The following ACOT1 variants were observed in gnomAD, a reference collection of about 807,000 sequenced individuals.
The protein encoded by ACOT1 is acyl-CoA thioesterase 1.
A neutral mutation model predicts 15.7 loss-of-function variants in ACOT1; 8 were observed. The ratio of observed to expected loss-of-function variants is 0.51; its 90% confidence interval spans 0.30 to 0.92. The LOEUF (loss-of-function observed/expected upper bound fraction) is 0.92. Among genes scored for constraint, ACOT1 ranks in the 40% least tolerant of loss-of-function variants. The probability of loss-of-function intolerance (pLI) is 0.06; values close to 1 mark genes in which losing one functional copy is unlikely to be tolerated. For missense variants in ACOT1, 151 were observed against 539.4 expected (o/e 0.28, Z 7.13); for synonymous variants, 67 against 241.2 (o/e 0.28, Z 6.69).
chr14:73,510,835 G>T, the ACOT1 span, among the ~76,000 whole-genome samples: 1 of 152,142 alleles, frequency 6.6e-6, no homozygotes, highest in Non-Finnish European at 1.5e-5. Flanking sequence ...TGCTTTACAG[G>T]AACTAATATC....
At chr14:73,515,313 C>T in the ACOT1 span, among the ~76,000 whole-genome samples, 2 of 152,092 alleles carry the variant, frequency 1.3e-5, no homozygotes, top group African/African-American at 4.8e-5. Context: ...CTCTTAACAC[C>T]TTTAGATTTG....
At chr14:73,508,217 T>A in the ACOT1 span, 3 of 1,613,970 alleles carry the variant, frequency 1.9e-6, no homozygotes, top group South Asian at 1.1e-5. Context: ...TGGTGGAGGA[T>A]CCTCTTAATC....
the ACOT1 span, among the ~76,000 whole-genome samples, chr14:73,504,244 A>ATT: frequency 7.6e-5 from 10 of 131,294 alleles, no homozygotes; most frequent in South Asian, 4.9e-4. Flanking sequence ...AGCCTGGCTA[A>ATT]TTTTTTTTTT....
At chr14:73,495,332 A>T in the ACOT1 span, 1 of 1,614,024 alleles carries the variant, frequency 6.2e-7, no homozygotes, top group African/African-American at 1.3e-5. Context: ...TCCCATGACC[A>T]TCTCCAGCTT....
At chr14:73,499,825 G>A in the ACOT1 span, among the ~76,000 whole-genome samples, 1 of 152,210 alleles carries the variant, frequency 6.6e-6, no homozygotes, top group Non-Finnish European at 1.5e-5. Context: ...ATTCAGGGGT[G>A]TGCTCTAGAA....
chr14:73,531,647 G>A, the ACOT1 span, among the ~76,000 whole-genome samples: 1 of 110,564 alleles, frequency 9.0e-6, no homozygotes, highest in African/African-American at 2.9e-5. Flanking sequence ...GACCTCAAGT[G>A]ATGCACCTGC....
the ACOT1 span, chr14:73,502,851 C>G: frequency 1.3e-6 from 2 of 1,494,732 alleles, no homozygotes; most frequent in Non-Finnish European, 1.9e-6. Flanking sequence ...CTAAACACTT[C>G]TAAGAATTTA....
chr14:73,513,999 C>T, the ACOT1 span: 10 of 1,601,556 alleles, frequency 6.2e-6, no homozygotes, highest in African/African-American at 2.7e-5. Flanking sequence ...TTCTCACAAA[C>T]GTACAGTATC....
the ACOT1 span, chr14:73,518,971 T>C: frequency 2.6e-6 from 4 of 1,550,020 alleles, no homozygotes; most frequent in Non-Finnish European, 3.5e-6. Flanking sequence ...TGATGGGAAG[T>C]AGCCACATTC....
chr14:73,491,568 C>T, the ACOT1 span: 1 of 1,541,242 alleles, frequency 6.5e-7, no homozygotes, highest in East Asian at 2.5e-5. Context: ...TGGGACTCCC[C>T]GCTGCGGCGC....
At chr14:73,523,123 A>G in the ACOT1 span, 1 of 1,605,176 alleles carries the variant, frequency 6.2e-7, no homozygotes. Flanking sequence ...AATGGGGGAG[A>G]AAGGTCTTTC....
chr14:73,511,902 A>G, the ACOT1 span: 1 of 1,430,728 alleles, frequency 7.0e-7, no homozygotes, highest in Non-Finnish European at 9.7e-7. Context: ...TGGTTTCCAC[A>G]TTTGTAAAAT....
chr14:73,503,550 TCTCTA>T, the ACOT1 span, among the ~76,000 whole-genome samples: 1 of 152,190 alleles, frequency 6.6e-6, no homozygotes, highest in Admixed American at 6.5e-5. Flanking sequence ...GTATCTCCCT[TCTCTA>T]CTCCTACCTG....
the ACOT1 span, among the ~76,000 whole-genome samples, chr14:73,503,953 G>T: frequency 6.6e-6 from 1 of 152,146 alleles, no homozygotes; most frequent in African/African-American, 2.4e-5. Flanking sequence ...TTTACTTTCA[G>T]TTGTCAATTC....
chr14:73,525,956 A>T, the ACOT1 span, among the ~76,000 whole-genome samples: 7 of 17,170 alleles, frequency 4.1e-4, no homozygotes, highest in South Asian at 1.3e-3. Context: ...CCTTATTTAA[A>T]AAAAAAAAAA....
At chr14:73,506,667 A>G in the ACOT1 span, 2 of 887,434 alleles carry the variant, frequency 2.3e-6, no homozygotes, top group East Asian at 5.0e-5. Flanking sequence ...TGCATAATTA[A>G]TGTCACCAGT....
At chr14:73,499,457 G>T in the ACOT1 span, among the ~76,000 whole-genome samples, 1 of 152,132 alleles carries the variant, frequency 6.6e-6, no homozygotes, top group South Asian at 2.1e-4. Flanking sequence ...TCCAGCCTGG[G>T]TGACAGAGCG....
At chr14:73,496,487 G>A in the ACOT1 span, 2 of 663,626 alleles carry the variant, frequency 3.0e-6, no homozygotes, top group Non-Finnish European at 5.4e-6. Context: ...TGGGGTTTTA[G>A]AAAGTACTTC....
the ACOT1 span, chr14:73,491,570 C>A: frequency 6.5e-7 from 1 of 1,541,744 alleles, no homozygotes; most frequent in Non-Finnish European, 8.7e-7. Flanking sequence ...GGACTCCCCG[C>A]TGCGGCGCGT....
Sources: gnomAD v4.1 joint callset for allele counts (sites outside exome capture counted in the v4.1 genomes callset) on GRCh38, gnomAD v4.1.1 for gene constraint, MANE v1.5 for transcripts, NCBI Gene and HGNC (gene_info 2026-07-23, HGNC 2026-07-21) for gene names.